Variants in TMEM71 observed in about 807,000 individuals in gnomAD.
TMEM71 encodes the protein transmembrane protein 71.
TMEM71 carries 44 observed loss-of-function variants against 38.0 expected under a neutral mutation model. That is an observed-to-expected ratio of 1.16 (90% confidence interval 0.91 to 1.49). The LOEUF (loss-of-function observed/expected upper bound fraction) is 1.49. Ranked by LOEUF, TMEM71 falls within the 40% of genes most tolerant of loss-of-function variation. The probability of loss-of-function intolerance (pLI) is 0.00; values close to 1 mark genes in which losing one functional copy is unlikely to be tolerated. For synonymous variants in TMEM71, 133 were observed against 122.5 expected (o/e 1.09, Z -0.56); for missense variants, 367 against 348.6 (o/e 1.05, Z -0.42).
At chr8:132,775,484 T>C in the TMEM71 span, 3 of 376,874 alleles carry the variant, frequency 8.0e-6, no homozygotes, top group South Asian at 1.3e-4. Context: ...CCGCGAAACC[T>C]TGGGCGGATC....
intron 2 of TMEM71, chr8:132,757,863 T>C (rs1362618602): frequency 6.6e-6 from 1 of 150,486 alleles, no homozygotes. Flanking sequence ...TAGTGCAGAA[T>C]GAGGCAATAA....
At chr8:132,719,579 G>A (rs1308775881) in intron 7 of TMEM71, among the ~76,000 whole-genome samples, 1 of 152,192 alleles carries the variant, frequency 6.6e-6, no homozygotes, top group African/African-American at 2.4e-5. Flanking sequence ...TACTCAACCT[G>A]TATGTGCAAA....
intron 5 of TMEM71, among the ~76,000 whole-genome samples, chr8:132,736,536 T>A (rs1223917080): frequency 1.3e-5 from 2 of 151,920 alleles, no homozygotes; most frequent in Non-Finnish European, 2.9e-5. Flanking sequence ...TTCTTGAAAA[T>A]TGCTAGGAGA....
At chr8:132,768,965 A>G in the TMEM71 span, among the ~76,000 whole-genome samples, 1 of 152,256 alleles carries the variant, frequency 6.6e-6, no homozygotes, top group African/African-American at 2.4e-5. Flanking sequence ...TATTGAAGTT[A>G]TCTGTTTGCA....
chr8:132,744,673 A>C (rs974105398), intron 5 of TMEM71, among the ~76,000 whole-genome samples: 2 of 152,222 alleles, frequency 1.3e-5, no homozygotes, highest in African/African-American at 4.8e-5. Context: ...CAGGGTTGGA[A>C]AAACTATTTA....
At chr8:132,756,988 G>A (rs1292809509) in intron 3 of TMEM71, among the ~76,000 whole-genome samples, 9 of 151,786 alleles carry the variant, frequency 5.9e-5, no homozygotes, top group African/African-American at 2.2e-4. Context: ...CTGGATTCAC[G>A]TCATTCTCCC....
At chr8:132,746,868 G>T in intron 5 of TMEM71, 74 bp downstream of exon 5, 5 of 1,237,360 alleles carry the variant, frequency 4.0e-6, no homozygotes, top group Non-Finnish European at 5.5e-6. Context: ...AACTGACATT[G>T]GTTGAGGACC....
At chr8:132,757,137 C>G in intron 3 of TMEM71, 97 bp downstream of exon 3, 3 of 716,684 alleles carry the variant, frequency 4.2e-6, no homozygotes, top group Non-Finnish European at 7.1e-6. Context: ...ACCTCGTGAT[C>G]CGCCTGCCTC....
chr8:132,771,671 A>G, the TMEM71 span, among the ~76,000 whole-genome samples: 3 of 151,976 alleles, frequency 2.0e-5, no homozygotes, highest in African/African-American at 2.4e-5. Flanking sequence ...ATATATAAGT[A>G]TGTTTAAAGT....
chr8:132,739,841 G>A (rs1230960065), intron 5 of TMEM71, among the ~76,000 whole-genome samples: 3 of 152,202 alleles, frequency 2.0e-5, no homozygotes, highest in Admixed American at 1.3e-4. Context: ...TCACAGCCAC[G>A]TAGGCAAATC....
intron 9 of TMEM71, among the ~76,000 whole-genome samples, chr8:132,711,907 T>C (rs747222594): frequency 6.6e-6 from 1 of 152,070 alleles, no homozygotes; most frequent in Non-Finnish European, 1.5e-5. Context: ...CATCATTGAT[T>C]GTTAGAGGAG....
At chr8:132,718,285 T>C (rs1037387906) in intron 7 of TMEM71, among the ~76,000 whole-genome samples, 2 of 152,224 alleles carry the variant, frequency 1.3e-5, no homozygotes, top group African/African-American at 2.4e-5. Context: ...AATAGCATTT[T>C]ACATATGTCA....
At chr8:132,706,962 C>A (rs568611083), downstream of TMEM71, among the ~76,000 whole-genome samples, 1 of 152,082 alleles carries the variant, frequency 6.6e-6, no homozygotes, top group Non-Finnish European at 1.5e-5. Flanking sequence ...AAACAAAAAA[C>A]GATTAAGCCT....
At chr8:132,719,515 A>C (rs543416037) in intron 7 of TMEM71, among the ~76,000 whole-genome samples, 49 of 152,370 alleles carry the variant, frequency 3.2e-4, no homozygotes, top group African/African-American at 1.1e-3. Context: ...TCCCAAATGT[A>C]CAAAAAGTCC....
chr8:132,736,351 T>C (rs1360068255), intron 5 of TMEM71, among the ~76,000 whole-genome samples: 1 of 152,122 alleles, frequency 6.6e-6, no homozygotes, highest in Non-Finnish European at 1.5e-5. Flanking sequence ...AAGCCATTCC[T>C]GGAGCAGCAG....
At chr8:132,724,843 A>G (rs1036853577) in intron 6 of TMEM71, among the ~76,000 whole-genome samples, 3 of 152,068 alleles carry the variant, frequency 2.0e-5, no homozygotes, top group African/African-American at 7.2e-5. Context: ...TCTGCAGCAC[A>G]CATACTTATC....
chr8:132,737,269 A>G (rs1257206562), intron 5 of TMEM71, among the ~76,000 whole-genome samples: 1 of 152,230 alleles, frequency 6.6e-6, no homozygotes, highest in African/African-American at 2.4e-5. Context: ...TTATATCTCA[A>G]TTAAAAAGTA....
At chr8:132,737,645 T>C (rs1009973121) in intron 5 of TMEM71, among the ~76,000 whole-genome samples, 3 of 152,156 alleles carry the variant, frequency 2.0e-5, no homozygotes, top group South Asian at 4.1e-4. Context: ...TGGGGATAAA[T>C]AATAATAACT....
At chr8:132,716,210 C>T (rs1055590927) in intron 7 of TMEM71, among the ~76,000 whole-genome samples, 16 of 152,234 alleles carry the variant, frequency 1.1e-4, no homozygotes, top group Admixed American at 2.0e-4. Flanking sequence ...CCTGGCCTCT[C>T]CCTGCTCCTG....
Sources: allele counts gnomAD v4.1 joint callset (sites outside exome capture counted in the v4.1 genomes callset), GRCh38; gene constraint gnomAD v4.1.1; transcripts MANE v1.5; gene names NCBI Gene and HGNC (gene_info 2026-07-23, HGNC 2026-07-21).